The following GPC6 variants were observed in gnomAD, a reference collection of about 807,000 sequenced individuals.
GPC6 encodes glypican-6.
In GPC6, 14 loss-of-function variants were observed where a neutral mutation model predicts 55.2. That is an observed-to-expected ratio of 0.25 (90% confidence interval 0.17 to 0.40). The LOEUF (loss-of-function observed/expected upper bound fraction) is 0.40. Among genes scored for constraint, GPC6 ranks in the 10% least tolerant of loss-of-function variants. The pLI is 1.00. For missense variants in GPC6, 641 were observed against 708.5 expected, an observed-to-expected ratio of 0.90 and a Z score of 1.08; for synonymous variants, 278 against 259.6, an observed-to-expected ratio of 1.07 and a Z score of -0.68.
At chr13:94,030,914 T>C (rs1883099093) in intron 4 of GPC6, among the ~76,000 whole-genome samples, 1 of 152,202 alleles carries the variant, frequency 6.6e-6, no homozygotes, top group East Asian at 1.9e-4. Context: ...GTTCAGTCAG[T>C]GTCTGGATCA....
intron 1 of GPC6, among the ~76,000 whole-genome samples, chr13:93,532,970 T>C (rs1881925856): frequency 1.3e-5 from 2 of 152,202 alleles, no homozygotes; most frequent in African/African-American, 4.8e-5. Flanking sequence ...TACTGGTAGT[T>C]TGAATGATAA....
At chr13:93,766,938 T>C (rs1361764713) in intron 2 of GPC6, among the ~76,000 whole-genome samples, 2 of 152,132 alleles carry the variant, frequency 1.3e-5, no homozygotes, top group African/African-American at 4.8e-5. Context: ...ACATTCCTAA[T>C]GGATTAAAAA....
intron 3 of GPC6, among the ~76,000 whole-genome samples, chr13:93,920,575 A>G (rs546283894): frequency 5.9e-5 from 9 of 152,244 alleles, no homozygotes; most frequent in African/African-American, 2.2e-4. Context: ...TGAGTCCACC[A>G]TCCTCTAAGA....
chr13:93,883,846 C>G (rs1875151957), intron 3 of GPC6, among the ~76,000 whole-genome samples: 1 of 151,994 alleles, frequency 6.6e-6, no homozygotes, highest in Admixed American at 6.6e-5. Flanking sequence ...CATTACGCAT[C>G]AATTATTTAT....
At chr13:93,843,724 G>GT (rs2139001261) in intron 3 of GPC6, among the ~76,000 whole-genome samples, 2 of 152,272 alleles carry the variant, frequency 1.3e-5, no homozygotes, top group South Asian at 4.1e-4. Flanking sequence ...ATCAGCTGGA[G>GT]TTAATTAGTC....
At chr13:93,850,634 A>T (rs1304431254) in intron 3 of GPC6, among the ~76,000 whole-genome samples, 1 of 151,962 alleles carries the variant, frequency 6.6e-6, no homozygotes, top group African/African-American at 2.4e-5. Flanking sequence ...CTTTTACATT[A>T]TATGCTATAT....
intron 1 of GPC6, among the ~76,000 whole-genome samples, chr13:93,539,884 T>A (rs1594247735): frequency 6.6e-6 from 1 of 151,862 alleles, no homozygotes; most frequent in South Asian, 2.1e-4. Context: ...GGAGACAGAG[T>A]TTCTCCATGT....
rs547217356 is a variant in GPC6 at position 94,132,102 on chromosome 13, C to T, written c.877+104208C>T. 5.3e-5 allele frequency among the ~76,000 whole-genome samples: 8 copies of T among 152,144 alleles called. No homozygotes were observed. In the East Asian group the frequency reaches 1.6e-3, roughly 30 times the overall value. On this transcript the variant is annotated intron_variant, in intron 4 of 8. Coordinates refer to ENST00000377047, the MANE Select transcript of GPC6 (RefSeq NM_005708.5). ...AGAACACTGGTGGAGAAAGGTGATT[C>T]CAGAGCGCACGGAGGCCATGATGGT...
intron 1 of GPC6, among the ~76,000 whole-genome samples, chr13:93,422,050 C>T (rs994348923): frequency 2.0e-5 from 3 of 152,124 alleles, no homozygotes; most frequent in Non-Finnish European, 4.4e-5. Flanking sequence ...ATGAAAATCT[C>T]TGCTGAAATA....
chr13:93,441,540 G>T (rs567813176), intron 1 of GPC6, among the ~76,000 whole-genome samples: 43 of 152,210 alleles, frequency 2.8e-4, no homozygotes, highest in East Asian at 2.7e-3. Context: ...TGATGGGGTT[G>T]TTTGATTTTT....
intron 1 of GPC6, among the ~76,000 whole-genome samples, chr13:93,455,012 C>T (rs1382299416): frequency 1.3e-5 from 2 of 152,226 alleles, no homozygotes; most frequent in East Asian, 1.9e-4. Flanking sequence ...GTACACCCTC[C>T]GCAGCCTCTG....
At chr13:93,935,353 C>G (rs879848904) in intron 3 of GPC6, among the ~76,000 whole-genome samples, 4 of 152,114 alleles carry the variant, frequency 2.6e-5, no homozygotes, top group Non-Finnish European at 5.9e-5. Context: ...TAAATGAGAA[C>G]ATGAAATATT....
chr13:93,522,271 T>C (rs1309702260), intron 1 of GPC6, among the ~76,000 whole-genome samples: 1 of 152,018 alleles, frequency 6.6e-6, no homozygotes, highest in Non-Finnish European at 1.5e-5. Flanking sequence ...AAATTAATTT[T>C]GTCCCATAGA....
intron 4 of GPC6, among the ~76,000 whole-genome samples, chr13:94,276,577 C>A (rs920729248): frequency 1.3e-5 from 2 of 151,890 alleles, no homozygotes; most frequent in East Asian, 1.9e-4. Context: ...TTGACCCATC[C>A]TCTAAGTTCC....
At chr13:93,261,812 A>G (rs538012143) in intron 1 of GPC6, among the ~76,000 whole-genome samples, 1 of 152,124 alleles carries the variant, frequency 6.6e-6, no homozygotes, top group African/African-American at 2.4e-5. Flanking sequence ...AACCTGGTAT[A>G]TAGTGAAAAA....
chr13:93,276,546 C>T (rs1877760763), intron 1 of GPC6, among the ~76,000 whole-genome samples: 1 of 148,948 alleles, frequency 6.7e-6, no homozygotes, highest in Non-Finnish European at 1.5e-5. Context: ...GATAGAGGCA[C>T]AGGAGAAGAA....
intron 3 of GPC6, among the ~76,000 whole-genome samples, chr13:93,947,330 T>G (rs548424946): frequency 6.6e-6 from 1 of 152,058 alleles, no homozygotes; most frequent in East Asian, 1.9e-4. Context: ...TCACATAAAT[T>G]CATGAAAGAA....
chr13:93,871,567 A>AAATTTTG (rs1433705449), intron 3 of GPC6, among the ~76,000 whole-genome samples: 2 of 152,004 alleles, frequency 1.3e-5, no homozygotes, highest in African/African-American at 4.8e-5. Flanking sequence ...ACTATAGAGT[A>AAATTTTG]AATTTTGATG....
intron 4 of GPC6, among the ~76,000 whole-genome samples, chr13:94,212,799 A>G (rs1208429426): frequency 1.3e-5 from 2 of 152,226 alleles, no homozygotes; most frequent in Admixed American, 6.5e-5. Flanking sequence ...AAACTGGACT[A>G]TCATTATCTC....
Sources: allele counts gnomAD v4.1 joint callset (sites outside exome capture counted in the v4.1 genomes callset), GRCh38; gene constraint gnomAD v4.1.1; transcripts MANE v1.5; gene names NCBI Gene and HGNC (gene_info 2026-07-23, HGNC 2026-07-21).